DPP6: variants seen among roughly 807,000 people sequenced by gnomAD.
The protein encoded by DPP6 is dipeptidyl peptidase like 6.
Under a neutral mutation model 122.6 loss-of-function variants are expected in DPP6, and 69 were observed. The observed-to-expected ratio is 0.56, with a 90% CI of 0.46 to 0.69. DPP6 has a LOEUF of 0.69. Ranked by LOEUF, DPP6 falls within the 30% of genes least tolerant of loss-of-function variation. The pLI, the probability that DPP6 is intolerant of heterozygous loss-of-function variation, is 0.00. For missense variants in DPP6, 928 were observed against 1,116.9 expected (o/e 0.83, Z 2.41); for synonymous variants, 418 against 433.1 (o/e 0.97, Z 0.43).
chr7:153,755,307 CT>C, the DPP6 span, among the ~76,000 whole-genome samples: 1 of 145,716 alleles, frequency 6.9e-6, no homozygotes, highest in East Asian at 2.0e-4. Context: ...TCCCTTTTCA[CT>C]TTCCAAGTGA....
At chr7:154,566,501 G>C (rs982926709) in intron 4 of DPP6, among the ~76,000 whole-genome samples, 4 of 151,990 alleles carry the variant, frequency 2.6e-5, no homozygotes, top group Non-Finnish European at 5.9e-5. Context: ...ATGTTGGCCA[G>C]GCTGGTCTTG....
intron 1 of DPP6, among the ~76,000 whole-genome samples, chr7:154,185,901 G>C (rs1798329917): frequency 1.3e-5 from 2 of 152,164 alleles, no homozygotes; most frequent in African/African-American, 4.8e-5. Context: ...CCAAATTAAA[G>C]CATGTGTATA....
chr7:154,357,831 A>G (rs1811398074), intron 1 of DPP6, among the ~76,000 whole-genome samples: 1 of 151,658 alleles, frequency 6.6e-6, no homozygotes, highest in Non-Finnish European at 1.5e-5. Flanking sequence ...AATCCCAACT[A>G]CTCGGGAGGC....
At chr7:153,964,953 TC>T (rs60635116) in intron 1 of DPP6, among the ~76,000 whole-genome samples, 4 of 131,146 alleles carry the variant, frequency 3.1e-5, no homozygotes, top group Admixed American at 7.4e-5. Context: ...TCTTTCTTTC[TC>T]TCTTTCTTTC....
At chr7:154,880,347 T>C (rs3823532) in intron 20 of DPP6, among the ~76,000 whole-genome samples, 61,856 of 152,186 alleles carry the variant, frequency 0.41, 12,710 homozygotes, top group South Asian at 0.45. Flanking sequence ...AGGAAGCTCA[T>C]GGGAAGAATC....
chr7:154,050,460 G>A (rs1800244085), upstream of DPP6, among the ~76,000 whole-genome samples: 1 of 152,020 alleles, frequency 6.6e-6, no homozygotes, highest in Admixed American at 6.6e-5. Context: ...TTACATAAGT[G>A]GGACCCTAAC....
chr7:154,439,344 A>G (rs1819167957), intron 1 of DPP6, among the ~76,000 whole-genome samples: 1 of 152,216 alleles, frequency 6.6e-6, no homozygotes, highest in Admixed American at 6.5e-5. Context: ...TAAATTCTGC[A>G]GCTTACTTCA....
At chr7:154,339,589 A>G (rs1316138762) in intron 1 of DPP6, among the ~76,000 whole-genome samples, 1 of 152,178 alleles carries the variant, frequency 6.6e-6, no homozygotes, top group Non-Finnish European at 1.5e-5. Context: ...ATAGGAATCA[A>G]TCATCTAATA....
At chr7:154,503,156 GC>G (rs1466870162) in intron 3 of DPP6, among the ~76,000 whole-genome samples, 1 of 152,154 alleles carries the variant, frequency 6.6e-6, no homozygotes, top group Non-Finnish European at 1.5e-5. Context: ...ATACAGTACA[GC>G]CTTTATTTAC....
the DPP6 span, among the ~76,000 whole-genome samples, chr7:153,781,089 A>C: frequency 0.012 from 1,867 of 152,332 alleles, 15 homozygotes; most frequent in Middle Eastern, 0.024. Flanking sequence ...TTAGTCACTT[A>C]GGTGTATTCT....
intron 1 of DPP6, among the ~76,000 whole-genome samples, chr7:154,126,745 C>A (rs1328900249): frequency 6.6e-6 from 1 of 151,992 alleles, no homozygotes; most frequent in Non-Finnish European, 1.5e-5. Context: ...CATTTCAAAC[C>A]TGTCTAAACA....
chr7:154,374,706 G>T (rs12531830), intron 1 of DPP6, among the ~76,000 whole-genome samples: 90,796 of 151,484 alleles, frequency 0.6, 30,852 homozygotes, highest in East Asian at 0.76. Flanking sequence ...CCGACTCCTG[G>T]GTTCAAGCGA....
chr7:154,023,318 G>GCACGCGCACACACACACACACACA (rs373378162), intron 1 of DPP6, among the ~76,000 whole-genome samples: 36 of 129,614 alleles, frequency 2.8e-4, no homozygotes, highest in African/African-American at 1.1e-3. Flanking sequence ...TTTCTTGTCT[G>GCACGCGCACACACACACACACACA]CACACACACA....
the DPP6 span, among the ~76,000 whole-genome samples, chr7:153,847,118 T>A: frequency 1.4e-4 from 22 of 152,358 alleles, 1 homozygote; most frequent in Admixed American, 9.8e-4. Context: ...TGTGATTTTT[T>A]AAAAAATTCA....
chr7:154,545,126 A>G (rs191672305), intron 4 of DPP6, among the ~76,000 whole-genome samples: 1 of 152,302 alleles, frequency 6.6e-6, no homozygotes, highest in Admixed American at 6.5e-5. Flanking sequence ...TTTGAATTAC[A>G]TGTTTGATGT....
chr7:154,554,287 G>T (rs531719757), intron 4 of DPP6, among the ~76,000 whole-genome samples: 4 of 152,192 alleles, frequency 2.6e-5, no homozygotes, highest in African/African-American at 7.2e-5. Context: ...GTTGCACATA[G>T]CATCCTCCTG....
At chr7:154,367,802 TATTG>T (rs777783228) in intron 1 of DPP6, among the ~76,000 whole-genome samples, 36 of 152,294 alleles carry the variant, frequency 2.4e-4, no homozygotes, top group African/African-American at 6.5e-4. Context: ...TAAAATTTAT[TATTG>T]ATTGATTGAT....
At chr7:153,817,897 C>T in the DPP6 span, among the ~76,000 whole-genome samples, 2 of 151,308 alleles carry the variant, frequency 1.3e-5, no homozygotes, top group African/African-American at 4.9e-5. Context: ...GCACACGAAC[C>T]CTAGAACTTA....
At chr7:153,776,380 T>A in the DPP6 span, among the ~76,000 whole-genome samples, 463 of 152,214 alleles carry the variant, frequency 3.0e-3, no homozygotes, top group African/African-American at 0.011. Flanking sequence ...CGTGATGGTT[T>A]TATATGGGGC....
Sources: allele counts gnomAD v4.1 joint callset (sites outside exome capture counted in the v4.1 genomes callset), GRCh38; gene constraint gnomAD v4.1.1; transcripts MANE v1.5; gene names NCBI Gene and HGNC (gene_info 2026-07-23, HGNC 2026-07-21).